The following PAPLN variants were observed in gnomAD, a reference collection of about 807,000 sequenced individuals.
The protein encoded by PAPLN is papilin, proteoglycan like sulfated glycoprotein, also known as papilin.
PAPLN carries 146 observed loss-of-function variants against 159.0 expected under a neutral mutation model. The ratio of observed to expected loss-of-function variants is 0.92; its 90% CI spans 0.80 to 1.05. The LOEUF (loss-of-function observed/expected upper bound fraction) is 1.05. Ranked by LOEUF, PAPLN falls within the 50% of genes least tolerant of loss-of-function variation. The pLI is 0.00. For synonymous variants in PAPLN, 734 were observed against 702.9 expected, an observed-to-expected ratio of 1.04 and a Z score of -0.70; for missense variants, 1,720 against 1,743.9, an observed-to-expected ratio of 0.99 and a Z score of 0.24.
rs757963043 is a variant in PAPLN at position 73,258,972 on chromosome 14, C to T, written c.1628-7C>T. 6.2e-7 allele frequency: 1 copy of T among 1,606,580 alleles called. No homozygotes were observed. The highest frequency in any genetic ancestry group is 1.1e-5 in the South Asian group (1 of 89,920). On this transcript the variant is annotated splice_polypyrimidine_tract_variant and splice_region_variant and intron_variant, in intron 14 of 26. Transcript: ENST00000644200. ...CCGTCCCACATGGACCTCCCGGCTC[C>T]CTGCAGAGGTCCCCAGCATGCAGGA...
intron 14 of PAPLN, among the ~76,000 whole-genome samples, chr14:73,258,618 TAAAAA>T (rs57126237): frequency 2.5e-4 from 19 of 75,788 alleles, no homozygotes; most frequent in African/African-American, 5.8e-4. Context: ...ACCCTATCTC[TAAAAA>T]AAAAAAAAAA....
At chr14:73,259,155 C>T (rs1260878477) in intron 15 of PAPLN, 96 bp downstream of exon 15, 1 of 1,527,428 alleles carries the variant, frequency 6.5e-7, no homozygotes, top group African/African-American at 1.4e-5. Context: ...TGGGTGCAGC[C>T]ATGGTGGAAG....
intron 14 of PAPLN, among the ~76,000 whole-genome samples, chr14:73,257,871 C>G (rs1886108917): frequency 6.9e-6 from 1 of 145,584 alleles, no homozygotes; most frequent in Non-Finnish European, 1.5e-5. Flanking sequence ...TCAAGCGATT[C>G]TCCTGCCTTA....
chr14:73,271,009 G>A (rs1887668025), intron 26 of PAPLN, among the ~76,000 whole-genome samples: 1 of 152,178 alleles, frequency 6.6e-6, no homozygotes, highest in African/African-American at 2.4e-5. Context: ...CAACATCGCT[G>A]TGAAGTAGGT....
intron 26 of PAPLN, chr14:73,272,235 A>G: frequency 2.8e-6 from 1 of 355,822 alleles, no homozygotes; most frequent in Non-Finnish European, 5.0e-6. Context: ...GGAGTCTAGG[A>G]AGAGCTATTC....
intron 18 of PAPLN, 63 bp from the exon 19 acceptor site, chr14:73,262,287 G>A (rs752294363): frequency 6.8e-7 from 1 of 1,470,780 alleles, no homozygotes. Context: ...AGGCTGAGAG[G>A]ATGGAGGGTG....
At chr14:73,238,123 G>A (rs2140167237) in intron 1 of PAPLN, among the ~76,000 whole-genome samples, 1 of 152,328 alleles carries the variant, frequency 6.6e-6, no homozygotes, top group East Asian at 1.9e-4. Flanking sequence ...GGGGGCCGTG[G>A]GCGGGGGCCA....
rs752975924 is a variant in PAPLN at position 73,260,870 on chromosome 14, C to T, written c.2106+41C>T. On this transcript the variant is annotated intron_variant, in intron 17 of 26. Coordinates refer to ENST00000644200, the MANE Select transcript of PAPLN (RefSeq NM_001365906.3). ...GGGGGAGGGGAGCAGGGGGCCAGCC[C>T]GTGAGCCTGCTCAGTGTCACTGTGA... 28 of 1,493,992 alleles carry T rather than the reference C, an allele frequency of 1.9e-5. No homozygotes were observed. The South Asian group carries it at 2.4e-4, about 13-fold the overall frequency. 92.5% of individuals were successfully genotyped at this position (1,493,992 alleles called of 1,614,324 possible). A position where few individuals can be genotyped will look rare whatever the true frequency, so the allele number is the denominator to read the frequency against.
chr14:73,249,947 C>T (rs1212311631), intron 5 of PAPLN, 37 bp from the exon 6 acceptor site: 2 of 1,568,144 alleles, frequency 1.3e-6, no homozygotes, highest in Admixed American at 1.8e-5. Flanking sequence ...GCATCATCAA[C>T]CTCAGGATCT....
intron 14 of PAPLN, among the ~76,000 whole-genome samples, chr14:73,256,357 C>T (rs2140257851): frequency 6.6e-6 from 1 of 151,892 alleles, no homozygotes; most frequent in African/African-American, 2.4e-5. Flanking sequence ...ATTGTGAAAT[C>T]CCGTCTCTAC....
chr14:73,270,819 G>T (rs1418229115), intron 26 of PAPLN, among the ~76,000 whole-genome samples: 1 of 152,144 alleles, frequency 6.6e-6, no homozygotes, highest in African/African-American at 2.4e-5. Flanking sequence ...CTCTCCTCCG[G>T]TCCTCTGCTG....
At chr14:73,246,559 T>C (rs1343744301) in intron 5 of PAPLN, among the ~76,000 whole-genome samples, 3 of 151,558 alleles carry the variant, frequency 2.0e-5, no homozygotes, top group Non-Finnish European at 4.4e-5. Context: ...TTTTTTTCTT[T>C]TCTTTCTCTC....
intron 2 of PAPLN, among the ~76,000 whole-genome samples, chr14:73,240,611 ATTAAT>A (rs760379503): frequency 2.0e-5 from 3 of 151,994 alleles, no homozygotes; most frequent in Non-Finnish European, 4.4e-5. Flanking sequence ...CCTGGCCATA[ATTAAT>A]TTAAACAGCC....
chr14:73,240,235 G>C (rs1171829827), intron 2 of PAPLN, among the ~76,000 whole-genome samples: 3 of 152,010 alleles, frequency 2.0e-5, no homozygotes, highest in Non-Finnish European at 4.4e-5. Flanking sequence ...TTTTGGCCTA[G>C]AGGTTTGGGG....
rs1887835423 is a variant in PAPLN at position 73,272,546 on chromosome 14, A to G, written c.3719A>G (p.Glu1240Gly). The change falls in exon 27 of 27, where the codon GAG becomes GGG. Residue 1240 changes from glutamate to glycine, a missense_variant. Coordinates refer to ENST00000644200, the MANE Select transcript of PAPLN (RefSeq NM_001365906.3). Reference protein sequence around the residue: ...DPGRDCVDQPELANCDLILQA... With the variant: ...DPGRDCVDQPGLANCDLILQA... ...GGCAGGGACTGCGTCGACCAGCCAG[A>G]GCTGGCCAACTGTGATTTGATCCTG... is the stretch of plus-strand genomic sequence containing the variant. 6 of 1,595,694 alleles carry G rather than the reference A, an allele frequency of 3.8e-6. No individual in the cohort carries two copies. Among genetic ancestry groups the G allele is most frequent in the Non-Finnish European group, 5.1e-6 (6 of 1,165,080 alleles).
intron 2 of PAPLN, among the ~76,000 whole-genome samples, chr14:73,241,871 C>T (rs1214545385): frequency 6.6e-6 from 1 of 152,258 alleles, no homozygotes; most frequent in South Asian, 2.1e-4. Context: ...CTCTTACACA[C>T]GTGCACATTG....
chr14:73,270,696 G>A (rs1343019814), intron 26 of PAPLN, among the ~76,000 whole-genome samples: 1 of 152,184 alleles, frequency 6.6e-6, no homozygotes, highest in African/African-American at 2.4e-5. Context: ...CTCCAGATGG[G>A]ATTACATGGA....
intron 14 of PAPLN, among the ~76,000 whole-genome samples, chr14:73,255,572 A>G (rs1472158493): frequency 6.7e-6 from 1 of 150,308 alleles, no homozygotes; most frequent in African/African-American, 2.4e-5. Flanking sequence ...CCTCACAAGC[A>G]TGAGGGCCTG....
chr14:73,249,498 A>C (rs1397282613), intron 5 of PAPLN, among the ~76,000 whole-genome samples: 1 of 152,046 alleles, frequency 6.6e-6, no homozygotes, highest in East Asian at 1.9e-4. Context: ...ACATGGTGAA[A>C]CCCCATCTCT....
Sources: gnomAD v4.1 joint callset for allele counts (sites outside exome capture counted in the v4.1 genomes callset) on GRCh38, gnomAD v4.1.1 for gene constraint, MANE v1.5 for transcripts, NCBI Gene and HGNC (gene_info 2026-07-23, HGNC 2026-07-21) for gene names.